UBR3: variants seen among roughly 807,000 people sequenced by gnomAD.
UBR3 encodes the protein E3 ubiquitin-protein ligase UBR3.
In UBR3, 85 loss-of-function variants were observed where a neutral mutation model predicts 243.2. That is an observed-to-expected ratio of 0.35 (90% confidence interval 0.29 to 0.42). UBR3 has a LOEUF of 0.42. UBR3 is among the 10% of genes least tolerant of loss of function. The pLI is 1.00. For synonymous variants in UBR3, 748 were observed against 799.8 expected, an observed-to-expected ratio of 0.94 and a Z score of 1.09; for missense variants, 1,686 against 2,300.8, an observed-to-expected ratio of 0.73 and a Z score of 5.47.
chr2:170,052,607 A>G (rs1574455208), intron 32 of UBR3, among the ~76,000 whole-genome samples: 1 of 152,216 alleles, frequency 6.6e-6, no homozygotes, highest in South Asian at 2.1e-4. Context: ...AAAGAGAAAT[A>G]CTGCATGATC....
chr2:169,879,702 T>C (rs2083749423), intron 5 of UBR3, among the ~76,000 whole-genome samples: 1 of 152,216 alleles, frequency 6.6e-6, no homozygotes, highest in African/African-American at 2.4e-5. Flanking sequence ...ATGTAAGCAC[T>C]TACAGCCCTG....
At chr2:169,965,548 A>C (rs904881883) in intron 24 of UBR3, among the ~76,000 whole-genome samples, 6 of 152,188 alleles carry the variant, frequency 3.9e-5, no homozygotes, top group Non-Finnish European at 8.8e-5. Context: ...CAATTACAAC[A>C]GTATGCCAGC....
chr2:169,909,753 A>ATC, intron 10 of UBR3, among the ~76,000 whole-genome samples: 1 of 151,806 alleles, frequency 6.6e-6, no homozygotes, highest in Admixed American at 6.6e-5. Context: ...ATATATATAT[A>ATC]TATATCTTGA....
intron 11 of UBR3, among the ~76,000 whole-genome samples, chr2:169,923,449 T>C (rs1346401662): frequency 6.6e-6 from 1 of 152,202 alleles, no homozygotes; most frequent in Non-Finnish European, 1.5e-5. Flanking sequence ...CCCATAGCAT[T>C]CTTCTGAGGA....
intron 23 of UBR3, among the ~76,000 whole-genome samples, chr2:169,950,950 T>TA (rs942214564): frequency 2.0e-4 from 30 of 151,978 alleles, no homozygotes; most frequent in African/African-American, 6.3e-4. Flanking sequence ...CCAGGACATT[T>TA]AAAAAAAAGA....
intron 32 of UBR3, among the ~76,000 whole-genome samples, chr2:170,042,688 CAAA>C (rs59694680): frequency 3.3e-5 from 3 of 91,602 alleles, no homozygotes; most frequent in Non-Finnish European, 5.9e-5. Flanking sequence ...TACTCTGCCT[CAAA>C]AAAAAAAAAA....
At chr2:169,988,735 G>A (rs545343282) in intron 25 of UBR3, among the ~76,000 whole-genome samples, 139 of 152,250 alleles carry the variant, frequency 9.1e-4, no homozygotes, top group African/African-American at 3.2e-3. Flanking sequence ...CCAAGAGGTC[G>A]AGGTTGCAGT....
chr2:169,944,524 T>C (rs532569953), intron 20 of UBR3, among the ~76,000 whole-genome samples: 18 of 152,280 alleles, frequency 1.2e-4, no homozygotes, highest in Admixed American at 9.8e-4. Flanking sequence ...TTCTCAACTT[T>C]AAAATAACTT....
intron 30 of UBR3, among the ~76,000 whole-genome samples, chr2:170,024,150 C>G (rs1396636450): frequency 6.6e-6 from 1 of 151,658 alleles, no homozygotes; most frequent in South Asian, 2.1e-4. Context: ...GTCAGGAGAT[C>G]GAGACCATCC....
intron 1 of UBR3, among the ~76,000 whole-genome samples, chr2:169,864,727 C>T (rs1559035223): frequency 6.6e-6 from 1 of 151,900 alleles, no homozygotes; most frequent in South Asian, 2.1e-4. Context: ...CACAGTGAAA[C>T]CCCGTCTCTA....
chr2:170,002,802 A>G (rs2089761153), intron 27 of UBR3, among the ~76,000 whole-genome samples: 1 of 151,740 alleles, frequency 6.6e-6, no homozygotes, highest in Non-Finnish European at 1.5e-5. Context: ...ACATTTTCTT[A>G]TTTTCCTATA....
intron 32 of UBR3, among the ~76,000 whole-genome samples, chr2:170,043,256 A>AAT (rs2091011112): frequency 6.6e-6 from 1 of 152,106 alleles, no homozygotes; most frequent in South Asian, 2.1e-4. Flanking sequence ...TAAAGAGAAA[A>AAT]ATATTTTAGT....
intron 1 of UBR3, among the ~76,000 whole-genome samples, chr2:169,842,387 C>T (rs540486153): frequency 1.3e-4 from 20 of 152,308 alleles, no homozygotes; most frequent in Non-Finnish European, 2.6e-4. Context: ...TACCAATCAA[C>T]AGGATGTGGG....
At chr2:169,835,997 CTCTCTCT>C (rs1558998175) in intron 1 of UBR3, among the ~76,000 whole-genome samples, 2,816 of 40,242 alleles carry the variant, frequency 0.07, 289 homozygotes, top group Middle Eastern at 0.095. Context: ...TGCACTGTCT[CTCTCTCT>C]CTCTCTCTCT....
chr2:169,988,005 C>T (rs1318912107), intron 25 of UBR3, among the ~76,000 whole-genome samples: 1 of 152,158 alleles, frequency 6.6e-6, no homozygotes, highest in Non-Finnish European at 1.5e-5. Flanking sequence ...TCTTCTGTTA[C>T]TCTTCTTGCC....
At chr2:170,075,913 GAA>G (rs35290980) in intron 36 of UBR3, among the ~76,000 whole-genome samples, 97 of 137,350 alleles carry the variant, frequency 7.1e-4, no homozygotes, top group East Asian at 5.3e-3. Flanking sequence ...AACTATGACA[GAA>G]AAAAAAAAAA....
chr2:170,049,271 A>G (rs1051616060), intron 32 of UBR3, among the ~76,000 whole-genome samples: 13 of 152,240 alleles, frequency 8.5e-5, no homozygotes, highest in Admixed American at 3.3e-4. Flanking sequence ...TATTAAGAAA[A>G]TTATAAGAGA....
At chr2:170,003,070 C>T (rs2089773121) in intron 27 of UBR3, among the ~76,000 whole-genome samples, 1 of 152,190 alleles carries the variant, frequency 6.6e-6, no homozygotes, top group African/African-American at 2.4e-5. Flanking sequence ...CTCTCACTTT[C>T]AGTCCCTTAC....
intron 1 of UBR3, among the ~76,000 whole-genome samples, chr2:169,833,816 G>A (rs754477341): frequency 6.0e-5 from 9 of 151,080 alleles, no homozygotes; most frequent in Non-Finnish European, 1.2e-4. Flanking sequence ...GGTTCTCGCA[G>A]TGTCTCCCAG....
Sources: gnomAD v4.1 joint callset for allele counts (sites outside exome capture counted in the v4.1 genomes callset) on GRCh38, gnomAD v4.1.1 for gene constraint, MANE v1.5 for transcripts, NCBI Gene and HGNC (gene_info 2026-07-23, HGNC 2026-07-21) for gene names.